Variants in MAPKAP1 observed in about 807,000 individuals in gnomAD.
The protein encoded by MAPKAP1 is MAPK associated protein 1, also known as target of rapamycin complex 2 subunit MAPKAP1.
MAPKAP1 carries 20 observed loss-of-function variants against 65.7 expected under a neutral mutation model. That is an observed-to-expected ratio of 0.30 (90% confidence interval 0.21 to 0.44). The LOEUF (loss-of-function observed/expected upper bound fraction) is 0.44. Among genes scored for constraint, MAPKAP1 ranks in the 20% least tolerant of loss-of-function variants. The pLI, the probability that MAPKAP1 is intolerant of heterozygous loss-of-function variation, is 1.00. For synonymous variants in MAPKAP1, 222 were observed against 244.3 expected (o/e 0.91, Z 0.85); for missense variants, 423 against 648.0 (o/e 0.65, Z 3.77).
At chr9:125,645,564 C>A (rs1347929346) in intron 4 of MAPKAP1, among the ~76,000 whole-genome samples, 1 of 152,002 alleles carries the variant, frequency 6.6e-6, no homozygotes, top group African/African-American at 2.4e-5. Context: ...TGGTGAAACC[C>A]CGTCTCTACT....
intron 6 of MAPKAP1, among the ~76,000 whole-genome samples, chr9:125,544,620 C>G (rs1374458157): frequency 6.6e-6 from 1 of 152,178 alleles, no homozygotes; most frequent in Non-Finnish European, 1.5e-5. Context: ...CAAAACAGAC[C>G]AATTCCAAGT....
chr9:125,689,754 G>A (rs28497066), intron 1 of MAPKAP1, among the ~76,000 whole-genome samples: 27 of 122,834 alleles, frequency 2.2e-4, no homozygotes, highest in African/African-American at 2.4e-4. Context: ...AAAAAAAAAA[G>A]AAGAAGAAGA....
intron 10 of MAPKAP1, among the ~76,000 whole-genome samples, chr9:125,461,184 T>C (rs1853481469): frequency 6.6e-6 from 1 of 152,226 alleles, no homozygotes; most frequent in Non-Finnish European, 1.5e-5. Flanking sequence ...CAACATTAGA[T>C]GACGCAAGCT....
intron 9 of MAPKAP1, 82 bp downstream of exon 9, chr9:125,484,361 A>G: frequency 2.2e-6 from 3 of 1,375,456 alleles, no homozygotes; most frequent in South Asian, 3.4e-5. Flanking sequence ...AGGTCACATA[A>G]AAGTTGTATG....
rs929856362 is a variant in MAPKAP1, at chr9:125,693,790, T to C, written c.-70+13181A>G. Among the ~76,000 whole-genome samples the C allele has an allele frequency of 2.0e-5, 3 of 147,906 alleles. No individual in the cohort carries two copies. The South Asian group carries it at 6.3e-4, about 31-fold the overall frequency. On this transcript the variant is annotated intron_variant, in intron 1 of 11. Transcript: ENST00000265960. The stretch of plus-strand genomic sequence containing the variant: ...ATATACACATATATACACGTATATA[T>C]ATACACACATATATATACACACACA...
intron 1 of MAPKAP1, among the ~76,000 whole-genome samples, chr9:125,687,342 T>C (rs1021098849): frequency 3.0e-4 from 45 of 152,244 alleles, no homozygotes; most frequent in Admixed American, 2.6e-3. Flanking sequence ...ACATCTGCTA[T>C]GGATTAGTTA....
At chr9:125,542,716 A>T (rs1466619823) in intron 7 of MAPKAP1, among the ~76,000 whole-genome samples, 1 of 152,244 alleles carries the variant, frequency 6.6e-6, no homozygotes. Flanking sequence ...ACATGAAATT[A>T]ATAGCAGTGA....
At chr9:125,547,385 C>T (rs567885312) in intron 6 of MAPKAP1, among the ~76,000 whole-genome samples, 5 of 152,110 alleles carry the variant, frequency 3.3e-5, no homozygotes, top group Admixed American at 6.5e-5. Context: ...ACCCTTTGAC[C>T]GAAATCTTGG....
chr9:125,557,236 C>T (rs1437858178), intron 6 of MAPKAP1, among the ~76,000 whole-genome samples: 1 of 152,204 alleles, frequency 6.6e-6, no homozygotes, highest in Non-Finnish European at 1.5e-5. Context: ...CCTAGCCCCA[C>T]TCCACTCTAC....
intron 7 of MAPKAP1, among the ~76,000 whole-genome samples, chr9:125,516,324 T>C (rs1044269683): frequency 9.2e-5 from 14 of 152,178 alleles, no homozygotes; most frequent in African/African-American, 3.4e-4. Context: ...AGACCATTAA[T>C]GAAGGTGTCA....
At chr9:125,521,829 A>G in intron 7 of MAPKAP1, 1 of 1,533,762 alleles carries the variant, frequency 6.5e-7, no homozygotes, top group Non-Finnish European at 9.0e-7. Context: ...TCTCTGAGCT[A>G]CATGAAAGTG....
At chr9:125,442,518 A>G in intron 11 of MAPKAP1, among the ~76,000 whole-genome samples, 1 of 147,026 alleles carries the variant, frequency 6.8e-6, no homozygotes, top group Non-Finnish European at 1.5e-5. Context: ...CAAGTCTTGA[A>G]TATTTTAATG....
intron 8 of MAPKAP1, among the ~76,000 whole-genome samples, chr9:125,492,086 C>T (rs937064502): frequency 1.1e-4 from 17 of 150,856 alleles, no homozygotes; most frequent in Non-Finnish European, 2.4e-4. Context: ...CACCTGTAGT[C>T]CCAGCTGCTC....
chr9:125,468,541 C>G (rs1357555294), intron 9 of MAPKAP1, among the ~76,000 whole-genome samples: 15 of 152,238 alleles, frequency 9.9e-5, no homozygotes, highest in Non-Finnish European at 8.8e-5. Flanking sequence ...ACAGATAAAT[C>G]TGTAACATCC....
At chr9:125,509,644 C>CT (rs1329596107) in intron 7 of MAPKAP1, among the ~76,000 whole-genome samples, 15 of 152,292 alleles carry the variant, frequency 9.8e-5, no homozygotes, top group African/African-American at 3.6e-4. Flanking sequence ...CATGTGTACT[C>CT]TGAGAGCAGT....
At chr9:125,557,537 A>G (rs1380588246) in intron 6 of MAPKAP1, among the ~76,000 whole-genome samples, 2 of 152,232 alleles carry the variant, frequency 1.3e-5, no homozygotes, top group African/African-American at 4.8e-5. Context: ...AAGTGAGTCT[A>G]AAGATGTTTT....
intron 7 of MAPKAP1, among the ~76,000 whole-genome samples, chr9:125,515,929 C>T (rs897381303): frequency 6.6e-6 from 1 of 152,144 alleles, no homozygotes; most frequent in South Asian, 2.1e-4. Flanking sequence ...TTTCCTCTAT[C>T]TAAGGCTTGG....
chr9:125,684,575 T>A (rs1366155999), intron 1 of MAPKAP1, among the ~76,000 whole-genome samples: 1 of 152,174 alleles, frequency 6.6e-6, no homozygotes, highest in Non-Finnish European at 1.5e-5. Context: ...TTAAACCTTC[T>A]AAGGGCTAAA....
chr9:125,441,380 C>T (rs1852475808), intron 11 of MAPKAP1, among the ~76,000 whole-genome samples: 1 of 152,164 alleles, frequency 6.6e-6, no homozygotes, highest in South Asian at 2.1e-4. Flanking sequence ...GCTCTGTGAC[C>T]TTGGGCCTCC....
Sources: gnomAD v4.1 joint callset for allele counts (sites outside exome capture counted in the v4.1 genomes callset) on GRCh38, gnomAD v4.1.1 for gene constraint, MANE v1.5 for transcripts, NCBI Gene and HGNC (gene_info 2026-07-23, HGNC 2026-07-21) for gene names.